FOXK2: variants seen among roughly 807,000 people sequenced by gnomAD.
The protein encoded by FOXK2 is forkhead box protein K2.
A neutral mutation model predicts 53.3 loss-of-function variants in FOXK2; 24 were observed. That is an observed-to-expected ratio of 0.45 (90% CI 0.33 to 0.63). The LOEUF is 0.63. Ranked by LOEUF, FOXK2 falls within the 30% of genes least tolerant of loss-of-function variation. The probability of loss-of-function intolerance (pLI) is 0.03; values close to 1 mark genes in which losing one functional copy is unlikely to be tolerated. For synonymous variants in FOXK2, 505 were observed against 407.1 expected, an observed-to-expected ratio of 1.24 and a Z score of -2.89; for missense variants, 952 against 910.5, an observed-to-expected ratio of 1.05 and a Z score of -0.59.
chr17:82,578,171 T>G (rs1449747872), intron 4 of FOXK2: 1 of 141,080 alleles, frequency 7.1e-6, no homozygotes. Flanking sequence ...TCTGTACACG[T>G]CCTTACTGTG....
intron 2 of FOXK2, among the ~76,000 whole-genome samples, chr17:82,564,450 G>A (rs749307853): frequency 6.6e-6 from 1 of 151,676 alleles, no homozygotes; most frequent in Non-Finnish European, 1.5e-5. Flanking sequence ...TGCCCAGGAT[G>A]AACTCAAACT....
intron 1 of FOXK2, among the ~76,000 whole-genome samples, chr17:82,544,921 C>T (rs1280317677): frequency 1.3e-5 from 2 of 151,874 alleles, no homozygotes; most frequent in Non-Finnish European, 2.9e-5. Context: ...GCACCCTCTC[C>T]ATGGTGTGCT....
chr17:82,582,806 A>G lies in FOXK2; in HGVS notation c.975A>G (p.Glu325=). 1 of 1,611,698 alleles carries G rather than the reference A, an allele frequency of 6.2e-7. No homozygotes were observed. Among genetic ancestry groups the G allele is most frequent in the Non-Finnish European group, 8.5e-7 (1 of 1,179,424 alleles). Residue 325 remains glutamate, a synonymous_variant, in exon 5 of 9, where the codon GAA becomes GAG. Coordinates refer to ENST00000335255, the MANE Select transcript of FOXK2 (RefSeq NM_004514.4). ...YFIKVPRSQE[E]PGKGSFWRID... ...TCAAAGTGCCGCGTTCCCAGGAAGA[A>G]CCAGGCAAAGGCTCGTTCTGGAGGA...
intron 8 of FOXK2, chr17:82,599,770 C>T (rs1347797176): frequency 1.3e-5 from 2 of 152,328 alleles, no homozygotes; most frequent in Admixed American, 1.3e-4. Context: ...CAGCCAGCGT[C>T]CCTGCAGGGG....
chr17:82,524,686 C>A (rs994057186), intron 1 of FOXK2, among the ~76,000 whole-genome samples: 4 of 152,158 alleles, frequency 2.6e-5, no homozygotes, highest in African/African-American at 7.2e-5. Context: ...TAAGGAAAGG[C>A]AGCGTTTTCC....
At chr17:82,549,458 C>T (rs1425873572) in intron 1 of FOXK2, among the ~76,000 whole-genome samples, 1 of 149,138 alleles carries the variant, frequency 6.7e-6, no homozygotes, top group African/African-American at 2.5e-5. Flanking sequence ...GGGGCCAAAA[C>T]CCCCAAAATT....
chr17:82,583,891 A>C (rs2045098566), intron 5 of FOXK2, 122 bp from the exon 6 acceptor site: 1 of 1,016,068 alleles, frequency 9.8e-7, no homozygotes, highest in African/African-American at 1.6e-5. Context: ...GAACTTACAC[A>C]ACAGTACTTG....
rs2045403628 is a variant in FOXK2, at chr17:82,603,010, CATT to C, written c.*1512_*1514del. 1 of 152,524 alleles carries C rather than the reference CATT, an allele frequency of 6.6e-6. No individual in the cohort carries two copies. Among genetic ancestry groups the C allele is most frequent in the Non-Finnish European group, 1.5e-5 (1 of 68,034 alleles). 9.4% of individuals were successfully genotyped at this position (152,524 alleles called of 1,614,324 possible). ...ATGGTATATTTAGGCAATTTTAAAA[CATT>C]TATTATTTACATAAAGACCAAATAT... On this transcript the variant is annotated 3_prime_UTR_variant, in exon 9 of 9. Coordinates refer to ENST00000335255, the MANE Select transcript of FOXK2 (RefSeq NM_004514.4).
intron 6 of FOXK2, 119 bp from the exon 7 acceptor site, chr17:82,585,785 G>C (rs1042286532): frequency 1.3e-5 from 13 of 965,988 alleles, no homozygotes; most frequent in Non-Finnish European, 1.5e-5. Flanking sequence ...AGGTGAAATA[G>C]GGCCATATCC....
At chr17:82,551,161 C>A (rs1162913619) in intron 1 of FOXK2, among the ~76,000 whole-genome samples, 1 of 150,486 alleles carries the variant, frequency 6.6e-6, no homozygotes, top group African/African-American at 2.4e-5. Flanking sequence ...ACTAAAAATC[C>A]AAAAAATTAG....
intron 1 of FOXK2, among the ~76,000 whole-genome samples, chr17:82,542,193 T>C (rs1432130210): frequency 4.2e-5 from 6 of 142,930 alleles, no homozygotes; most frequent in African/African-American, 1.6e-4. Flanking sequence ...GACAGTTTCG[T>C]TCTTGTCGCC....
At chr17:82,547,185 C>G (rs2044634710) in intron 1 of FOXK2, among the ~76,000 whole-genome samples, 1 of 151,996 alleles carries the variant, frequency 6.6e-6, no homozygotes, top group South Asian at 2.1e-4. Flanking sequence ...AAGCATCATA[C>G]TCCCTGTGTT....
chr17:82,567,961 T>G, intron 2 of FOXK2, 93 bp from the exon 3 acceptor site: 1 of 917,368 alleles, frequency 1.1e-6, no homozygotes, highest in Non-Finnish European at 1.5e-6. Flanking sequence ...CATTTCTGTA[T>G]TTGTTATCCC....
At chr17:82,541,430 G>C (rs1417924629) in intron 1 of FOXK2, among the ~76,000 whole-genome samples, 1 of 151,692 alleles carries the variant, frequency 6.6e-6, no homozygotes, top group Non-Finnish European at 1.5e-5. Context: ...CCGCCATCAC[G>C]CCCGGCTAAT....
At chr17:82,577,215 TGA>T in intron 4 of FOXK2, 1 of 1,172,136 alleles carries the variant, frequency 8.5e-7, no homozygotes, top group African/African-American at 1.6e-5. Flanking sequence ...GGTGTGTAGG[TGA>T]GTTTATTCTC....
At chr17:82,569,525 C>T (rs2044889995) in intron 3 of FOXK2, among the ~76,000 whole-genome samples, 1 of 152,230 alleles carries the variant, frequency 6.6e-6, no homozygotes, top group African/African-American at 2.4e-5. Flanking sequence ...GCTGGTGGTG[C>T]CCTGTCTCTT....
At position 82,603,432 on chromosome 17, in the gene FOXK2, A is replaced by G. The variant is rs1037916515; in HGVS notation, c.*1933A>G. 2.0e-5 allele frequency: 3 copies of G among 152,196 alleles called. No homozygotes were observed. Among genetic ancestry groups the G allele is most frequent in the African/African-American group, 7.2e-5 (3 of 41,432 alleles). 9.4% of individuals were successfully genotyped at this position (152,196 alleles called of 1,614,324 possible). A position where few individuals can be genotyped will look rare whatever the true frequency, so the allele number is the denominator to read the frequency against. ...CACAGCTGATGGGGTTCTCTGATTG[A>G]TAGGAGACGAGCTCTTGAGCTCTAA... On this transcript the variant is annotated 3_prime_UTR_variant, in exon 9 of 9. Transcript: ENST00000335255.
At chr17:82,573,091 G>A (rs544418200) in intron 4 of FOXK2, among the ~76,000 whole-genome samples, 57 of 152,094 alleles carry the variant, frequency 3.7e-4, no homozygotes, top group Non-Finnish European at 6.5e-4. Flanking sequence ...TACTCCAGAG[G>A]CTGAGGTGGG....
intron 1 of FOXK2, among the ~76,000 whole-genome samples, chr17:82,520,508 C>T (rs1454753642): frequency 6.6e-6 from 1 of 150,492 alleles, no homozygotes; most frequent in Non-Finnish European, 1.5e-5. Context: ...CTCCCGGTCC[C>T]CTTCCTGGCA....
Sources: gnomAD v4.1 joint callset for allele counts (sites outside exome capture counted in the v4.1 genomes callset) on GRCh38, gnomAD v4.1.1 for gene constraint, MANE v1.5 for transcripts, NCBI Gene and HGNC (gene_info 2026-07-23, HGNC 2026-07-21) for gene names.